Variants in DOCK4 observed in about 807,000 individuals in gnomAD.
The protein encoded by DOCK4 is dedicator of cytokinesis 4.
DOCK4 carries 97 observed loss-of-function variants against 268.1 expected under a neutral mutation model. The observed-to-expected ratio is 0.36, with a 90% confidence interval of 0.31 to 0.43. DOCK4 has a LOEUF of 0.43. Among genes scored for constraint, DOCK4 ranks in the 20% least tolerant of loss-of-function variants. DOCK4 has a pLI of 1.00. For missense variants in DOCK4, 2,145 were observed against 2,455.7 expected (o/e 0.87, Z 2.67); for synonymous variants, 954 against 887.2 (o/e 1.08, Z -1.34).
intron 7 of DOCK4, among the ~76,000 whole-genome samples, chr7:111,983,860 GCGCACA>G (rs1411844509): frequency 1.6e-5 from 2 of 128,844 alleles, no homozygotes; most frequent in Admixed American, 7.4e-5. Context: ...GCGCGCGCGC[GCGCACA>G]CACACACACA....
intron 8 of DOCK4, among the ~76,000 whole-genome samples, chr7:111,950,914 CA>C (rs1796002724): frequency 6.6e-6 from 1 of 152,068 alleles, no homozygotes; most frequent in South Asian, 2.1e-4. Flanking sequence ...AATGAATAAG[CA>C]AATAGAACAT....
At chr7:111,926,438 CAGAGAG>C (rs71524824) in intron 12 of DOCK4, among the ~76,000 whole-genome samples, 1 of 62,590 alleles carries the variant, frequency 1.6e-5, no homozygotes, top group African/African-American at 6.5e-5. Flanking sequence ...AAAAGAAAGA[CAGAGAG>C]AGAGAGAGAG....
At chr7:112,163,657 T>C (rs917762593) in intron 1 of DOCK4, among the ~76,000 whole-genome samples, 2 of 152,364 alleles carry the variant, frequency 1.3e-5, no homozygotes, top group East Asian at 3.9e-4. Context: ...TTTACAAATA[T>C]TGATTAATTT....
intron 1 of DOCK4, among the ~76,000 whole-genome samples, chr7:112,023,292 G>C (rs866914911): frequency 1.3e-5 from 2 of 152,186 alleles, no homozygotes; most frequent in African/African-American, 4.8e-5. Flanking sequence ...GCTGAGGGAA[G>C]CATGTGTAGG....
chr7:111,877,160 A>G lies in DOCK4; in HGVS notation c.1614T>C (p.Asp538=). The G allele has an allele frequency of 3.9e-6, 6 of 1,547,614 alleles. No homozygotes were observed. The highest frequency in any genetic ancestry group is 5.2e-6 in the Non-Finnish European group (6 of 1,149,296). The change falls in exon 17 of 53, where the codon GAT becomes GAC. Residue 538 remains aspartate, a synonymous_variant. Transcript: ENST00000428084. The stretch of plus-strand genomic sequence containing the variant: ...AGGGAAGTTTGAGGTAGCGGGTAGT[A>G]TCCTGAAGATTTGTGTTTTCTTCAC... ...HKCEENTNLQ[D]TTRYLKLPFS...
chr7:112,202,666 A>G (rs1821046884), intron 1 of DOCK4, among the ~76,000 whole-genome samples: 1 of 152,068 alleles, frequency 6.6e-6, no homozygotes, highest in Admixed American at 6.6e-5. Flanking sequence ...GCGATCAACC[A>G]GGAGCTTGAG....
intron 1 of DOCK4, among the ~76,000 whole-genome samples, chr7:112,030,060 C>T (rs1023023230): frequency 1.3e-5 from 2 of 152,216 alleles, no homozygotes; most frequent in Non-Finnish European, 2.9e-5. Context: ...AAGAACCCTG[C>T]TACTGGCATG....
chr7:111,894,907 CAGCAGGACCA>C (rs1808611772), intron 16 of DOCK4, among the ~76,000 whole-genome samples: 2 of 152,158 alleles, frequency 1.3e-5, no homozygotes, highest in Admixed American at 6.5e-5. Flanking sequence ...AGACCCAGGT[CAGCAGGACCA>C]GTTATCATAG....
intron 36 of DOCK4, among the ~76,000 whole-genome samples, chr7:111,776,851 G>A (rs779888022): frequency 6.6e-6 from 1 of 151,868 alleles, no homozygotes; most frequent in Non-Finnish European, 1.5e-5. Context: ...GACAGGGTCG[G>A]GCTCTGTCTT....
intron 36 of DOCK4, among the ~76,000 whole-genome samples, chr7:111,777,536 T>A (rs905403686): frequency 6.6e-6 from 1 of 152,206 alleles, no homozygotes. Context: ...TTTCAATGTA[T>A]GTAGATGTAA....
intron 1 of DOCK4, among the ~76,000 whole-genome samples, chr7:112,167,722 T>C (rs375061910): frequency 3.1e-4 from 47 of 152,346 alleles, no homozygotes; most frequent in African/African-American, 1.1e-3. Context: ...CCAACCTCAG[T>C]AAGCTTAAAT....
intron 1 of DOCK4, among the ~76,000 whole-genome samples, chr7:112,128,292 TGG>T (rs914624753): frequency 6.7e-6 from 1 of 149,380 alleles, no homozygotes; most frequent in Admixed American, 6.7e-5. Context: ...GGGAGGGAGG[TGG>T]GGGGGGTCAG....
chr7:111,945,104 C>G (rs1795513891), intron 9 of DOCK4, among the ~76,000 whole-genome samples: 1 of 152,226 alleles, frequency 6.6e-6, no homozygotes, highest in South Asian at 2.1e-4. Flanking sequence ...GATTCAATCT[C>G]TCACTCATTC....
chr7:112,120,912 G>A (rs1263272055), intron 1 of DOCK4, among the ~76,000 whole-genome samples: 1 of 152,162 alleles, frequency 6.6e-6, no homozygotes, highest in Non-Finnish European at 1.5e-5. Flanking sequence ...TTAGGTCACT[G>A]CAGTCATTTG....
chr7:112,171,833 C>T (rs942656927), intron 1 of DOCK4, among the ~76,000 whole-genome samples: 1 of 152,228 alleles, frequency 6.6e-6, no homozygotes, highest in Admixed American at 6.5e-5. Context: ...AATTTATTTT[C>T]TCACAGTTCT....
chr7:111,873,208 C>A (rs1358563843), intron 17 of DOCK4, among the ~76,000 whole-genome samples: 1 of 152,224 alleles, frequency 6.6e-6, no homozygotes, highest in Non-Finnish European at 1.5e-5. Flanking sequence ...AAGCACAGGG[C>A]CCAGCTCTTT....
intron 8 of DOCK4, among the ~76,000 whole-genome samples, chr7:111,951,527 C>T (rs1796044740): frequency 6.6e-6 from 1 of 151,656 alleles, no homozygotes; most frequent in African/African-American, 2.4e-5. Context: ...CCAAAGAAGG[C>T]ATGGTATGGT....
intron 1 of DOCK4, among the ~76,000 whole-genome samples, chr7:112,114,168 C>T (rs1387360280): frequency 3.3e-5 from 5 of 152,144 alleles, no homozygotes; most frequent in Non-Finnish European, 5.9e-5. Context: ...AGCCATCCTG[C>T]CTCCTTGAGC....
intron 8 of DOCK4, among the ~76,000 whole-genome samples, chr7:111,960,256 T>C (rs1216339987): frequency 6.6e-6 from 1 of 151,074 alleles, no homozygotes; most frequent in Non-Finnish European, 1.5e-5. Flanking sequence ...TCCCAGCTAC[T>C]TGGAGGCTGA....
Sources: gnomAD v4.1 joint callset for allele counts (sites outside exome capture counted in the v4.1 genomes callset) on GRCh38, gnomAD v4.1.1 for gene constraint, MANE v1.5 for transcripts, NCBI Gene and HGNC (gene_info 2026-07-23, HGNC 2026-07-21) for gene names.